FAM114A2: variants seen among roughly 807,000 people sequenced by gnomAD.
FAM114A2 encodes family with sequence similarity 114 member A2.
FAM114A2 carries 53 observed loss-of-function variants against 58.4 expected under a neutral mutation model. The observed-to-expected ratio is 0.91, with a 90% CI of 0.73 to 1.14. The LOEUF (loss-of-function observed/expected upper bound fraction) is 1.14, where lower values mean the gene tolerates loss of function less well. Among genes scored for constraint, FAM114A2 ranks in the 50% most tolerant of loss-of-function variants. The pLI, the probability that FAM114A2 is intolerant of heterozygous loss-of-function variation, is 0.00. For synonymous variants in FAM114A2, 228 were observed against 211.4 expected (o/e 1.08, Z -0.68); for missense variants, 601 against 581.1 (o/e 1.03, Z -0.35).
At chr5:153,993,350 A>G (rs1437521643) in intron 13 of FAM114A2, among the ~76,000 whole-genome samples, 3 of 152,184 alleles carry the variant, frequency 2.0e-5, no homozygotes. Flanking sequence ...CCCATCAGAC[A>G]TGGTAGCTTT....
At chr5:154,010,810 T>C (rs1287598205) in intron 9 of FAM114A2, among the ~76,000 whole-genome samples, 1 of 152,214 alleles carries the variant, frequency 6.6e-6, no homozygotes, top group African/African-American at 2.4e-5. Context: ...ATAGTCATTA[T>C]CTGAGTCACT....
chr5:154,013,490 A>C (rs900290233), intron 8 of FAM114A2, among the ~76,000 whole-genome samples: 7 of 152,202 alleles, frequency 4.6e-5, no homozygotes, highest in South Asian at 2.1e-4. Flanking sequence ...GCTGGGGCAC[A>C]GTGAGTGGTG....
intron 8 of FAM114A2, among the ~76,000 whole-genome samples, chr5:154,019,917 G>A (rs1387624147): frequency 1.3e-5 from 2 of 152,142 alleles, no homozygotes; most frequent in Admixed American, 6.6e-5. Flanking sequence ...CTCAGCAAAT[G>A]TAAAAGAACA....
intron 11 of FAM114A2, among the ~76,000 whole-genome samples, chr5:154,000,596 G>A (rs894733423): frequency 6.6e-6 from 1 of 152,116 alleles, no homozygotes; most frequent in Non-Finnish European, 1.5e-5. Context: ...ACAGTTTCAG[G>A]AATCCACTAG....
intron 8 of FAM114A2, among the ~76,000 whole-genome samples, chr5:154,014,147 C>A (rs935219477): frequency 6.6e-6 from 1 of 152,154 alleles, no homozygotes; most frequent in Non-Finnish European, 1.5e-5. Flanking sequence ...AACCGTTTTC[C>A]AATCAGGACA....
Position 153,993,108 on chromosome 5 carries a change from T to C in FAM114A2, c.1386A>G (p.Ala462=), listed in dbSNP as rs1370322072. The change falls in exon 14 of 14, where the codon GCA becomes GCG. Residue 462 remains alanine (A), a splice_region_variant and synonymous_variant. Coordinates refer to ENST00000351797, the MANE Select transcript of FAM114A2 (RefSeq NM_018691.4). ...CCTGGATGTAGGAGGCACTGTTTGATGCCTGCCAGGATTGAAAAAACAAGA... is the reference window on the plus strand; with the variant it reads ...CCTGGATGTAGGAGGCACTGTTTGACGCCTGCCAGGATTGAAAAAACAAGA... ...NPLITAVFLE[A]SNSASYIQDA... The C allele has an allele frequency of 3.1e-6, 5 of 1,605,416 alleles. No homozygotes were observed. The East Asian group carries it at 1.1e-4, about 36-fold the overall frequency.
chr5:154,027,255 T>C lies in FAM114A2; in HGVS notation c.710A>G (p.Tyr237Cys). 6.2e-7 allele frequency: 1 copy of C among 1,613,518 alleles called. No homozygotes were observed. The highest frequency in any genetic ancestry group is 1.7e-5 in the Admixed American group (1 of 59,968). Reference sequence around the variant, plus strand: ...TTGAAATTCATCAAAGAGTAGCCCATAATGAGTTTTCTTGTCTGTTTCCAC... The same window carrying C: ...TTGAAATTCATCAAAGAGTAGCCCACAATGAGTTTTCTTGTCTGTTTCCAC... The part of the protein sequence containing the change: ...VTVETDKKTH[Y>C]GLLFDEFQGL... Residue 237 changes from tyrosine (Y) to cysteine (C), a missense_variant, in exon 7 of 14, where the codon TAT becomes TGT. Tyr to Cys is a radical substitution (Grantham distance 194, BLOSUM62 -2). Coordinates refer to ENST00000351797, the MANE Select transcript of FAM114A2 (RefSeq NM_018691.4).
At chr5:154,027,104 AAG>A in intron 7 of FAM114A2, 70 bp downstream of exon 7, 2 of 1,274,724 alleles carry the variant, frequency 1.6e-6, no homozygotes, top group Non-Finnish European at 2.2e-6. Context: ...CAAATGTACA[AAG>A]AGAAAGGAAA....
intron 4 of FAM114A2, among the ~76,000 whole-genome samples, chr5:154,031,822 CAT>C (rs1208455738): frequency 9.9e-5 from 15 of 152,192 alleles, no homozygotes; most frequent in Non-Finnish European, 2.1e-4. Context: ...TAATTCTAGA[CAT>C]TTCACTATTG....
At position 153,993,964 on chromosome 5, in the gene FAM114A2, C is replaced by T. The variant is rs563891740; in HGVS notation, c.1384-854G>A. ...TCTCTTATGTTGCACATGAAAATAACGAAGTTTGTCAGAGTCACACAACAA... is the reference window on the plus strand; with the variant it reads ...TCTCTTATGTTGCACATGAAAATAATGAAGTTTGTCAGAGTCACACAACAA... On this transcript the variant is annotated intron_variant, in intron 13 of 13. Transcript: ENST00000351797. Among the ~76,000 whole-genome samples the T allele has an allele frequency of 1.4e-4, 21 of 152,242 alleles. No individual in the cohort carries two copies. In the South Asian group the frequency reaches 4.2e-3, roughly 30 times the overall value.
chr5:154,034,203 A>T (rs1772380164), intron 3 of FAM114A2, 75 bp downstream of exon 3: 1 of 922,208 alleles, frequency 1.1e-6, no homozygotes, highest in Non-Finnish European at 1.7e-6. Flanking sequence ...AAGAATTTTA[A>T]CCAAGTCATA....
intron 4 of FAM114A2, among the ~76,000 whole-genome samples, chr5:154,031,595 A>G (rs1772207272): frequency 6.6e-6 from 1 of 152,196 alleles, no homozygotes; most frequent in South Asian, 2.1e-4. Context: ...GTAATTTTGG[A>G]AAGTTCTCCC....
At chr5:154,035,208 C>T (rs1468700245) in intron 1 of FAM114A2, among the ~76,000 whole-genome samples, 1 of 152,114 alleles carries the variant, frequency 6.6e-6, no homozygotes, top group East Asian at 1.9e-4. Context: ...CAGTTTTAAA[C>T]GCACTCATTT....
chr5:154,021,497 C>G (rs1219529760), intron 8 of FAM114A2, among the ~76,000 whole-genome samples: 1 of 152,132 alleles, frequency 6.6e-6, no homozygotes, highest in Non-Finnish European at 1.5e-5. Context: ...TTCTTATATA[C>G]CAATAACAGA....
intron 9 of FAM114A2, among the ~76,000 whole-genome samples, chr5:154,006,277 G>C (rs982123688): frequency 3.1e-4 from 47 of 152,308 alleles, no homozygotes; most frequent in African/African-American, 1.0e-3. Context: ...CTAGGAGTCT[G>C]CTCTTCTCTC....
At chr5:154,014,628 A>G (rs1770906580) in intron 8 of FAM114A2, among the ~76,000 whole-genome samples, 1 of 152,200 alleles carries the variant, frequency 6.6e-6, no homozygotes, top group African/African-American at 2.4e-5. Flanking sequence ...ACAGGGGTAG[A>G]GGAAGCAGTA....
At chr5:154,030,937 G>A (rs149686360) in intron 4 of FAM114A2, among the ~76,000 whole-genome samples, 198 of 152,224 alleles carry the variant, frequency 1.3e-3, no homozygotes, top group African/African-American at 4.5e-3. Context: ...GGAGACTTCG[G>A]AAGAGTCAAG....
chr5:153,995,159 A>G (rs1769475983), intron 12 of FAM114A2, 187 bp from the exon 13 acceptor site: 6 of 549,136 alleles, frequency 1.1e-5, no homozygotes, highest in Middle Eastern at 4.1e-4. Context: ...TTCTTTCTTA[A>G]TATCTTTCTG....
chr5:154,005,829 T>C (rs977964653), intron 9 of FAM114A2, among the ~76,000 whole-genome samples: 20 of 152,200 alleles, frequency 1.3e-4, no homozygotes, highest in Admixed American at 2.0e-4. Context: ...CATGAGGTAA[T>C]AGGAATCCAG....
Sources: allele counts gnomAD v4.1 joint callset (sites outside exome capture counted in the v4.1 genomes callset), GRCh38; gene constraint gnomAD v4.1.1; transcripts MANE v1.5; gene names NCBI Gene and HGNC (gene_info 2026-07-23, HGNC 2026-07-21).